Variants in PRKN observed in about 807,000 individuals in gnomAD.
PRKN encodes the protein E3 ubiquitin-protein ligase parkin.
In PRKN, 56 loss-of-function variants were observed where a neutral mutation model predicts 59.5. That is an observed-to-expected ratio of 0.94 (90% CI 0.76 to 1.18). The LOEUF is 1.18. PRKN is among the 50% of genes most tolerant of loss of function. The probability of loss-of-function intolerance (pLI) is 0.00; values close to 1 mark genes in which losing one functional copy is unlikely to be tolerated. For synonymous variants in PRKN, 250 were observed against 222.1 expected (o/e 1.13, Z -1.12); for missense variants, 657 against 596.4 (o/e 1.10, Z -1.06).
chr6:161,622,868 TAACA>T (rs943671291), intron 7 of PRKN, among the ~76,000 whole-genome samples: 1 of 152,244 alleles, frequency 6.6e-6, no homozygotes, highest in Non-Finnish European at 1.5e-5. Context: ...TTCTTGGTGC[TAACA>T]AACTGAAAAA....
intron 4 of PRKN, among the ~76,000 whole-genome samples, chr6:162,175,906 AT>A (rs1181384183): frequency 1.3e-5 from 2 of 152,216 alleles, no homozygotes; most frequent in African/African-American, 4.8e-5. Flanking sequence ...TATAAAGGCT[AT>A]TTGAGAAGCC....
At chr6:161,779,720 G>C (rs1201448602) in intron 7 of PRKN, among the ~76,000 whole-genome samples, 1 of 151,858 alleles carries the variant, frequency 6.6e-6, no homozygotes, top group Non-Finnish European at 1.5e-5. Flanking sequence ...TGGGATTACA[G>C]GCGTGAGTCA....
At chr6:161,610,837 G>A (rs1782462379) in intron 7 of PRKN, among the ~76,000 whole-genome samples, 1 of 152,130 alleles carries the variant, frequency 6.6e-6, no homozygotes, top group South Asian at 2.1e-4. Context: ...TTGGAAAGAA[G>A]GGTCGTCCAC....
intron 1 of PRKN, among the ~76,000 whole-genome samples, chr6:162,712,663 A>G (rs1303163394): frequency 6.6e-6 from 1 of 152,238 alleles, no homozygotes. Flanking sequence ...CAAAGCCCAG[A>G]TCCAACATGT....
At chr6:162,378,338 C>G (rs1786235531) in intron 2 of PRKN, among the ~76,000 whole-genome samples, 1 of 152,194 alleles carries the variant, frequency 6.6e-6, no homozygotes, top group Admixed American at 6.5e-5. Context: ...AATCGAAGAT[C>G]ATAAAGGAGA....
intron 2 of PRKN, among the ~76,000 whole-genome samples, chr6:162,378,100 T>C (rs973320445): frequency 1.3e-5 from 2 of 152,138 alleles, no homozygotes; most frequent in Non-Finnish European, 2.9e-5. Flanking sequence ...TCAAGCTAGG[T>C]TTACAAATGT....
At chr6:162,606,089 G>A (rs1216600547) in intron 1 of PRKN, among the ~76,000 whole-genome samples, 2 of 152,082 alleles carry the variant, frequency 1.3e-5, no homozygotes, top group Non-Finnish European at 2.9e-5. Flanking sequence ...TGCCTACAAT[G>A]AACAGAATGT....
At chr6:161,786,034 G>T in intron 6 of PRKN, 126 bp from the exon 7 acceptor site, 2 of 925,272 alleles carry the variant, frequency 2.2e-6, no homozygotes, top group Non-Finnish European at 3.4e-6. Flanking sequence ...GACCGGAGCT[G>T]CTAAGCATTA....
chr6:161,956,585 A>G (rs780792395), intron 6 of PRKN, among the ~76,000 whole-genome samples: 7 of 148,896 alleles, frequency 4.7e-5, no homozygotes, highest in Non-Finnish European at 7.5e-5. Flanking sequence ...ATAAAAGGAT[A>G]GTTCCATCCA....
chr6:162,602,705 C>A (rs1311122239), intron 1 of PRKN, among the ~76,000 whole-genome samples: 1 of 152,174 alleles, frequency 6.6e-6, no homozygotes, highest in Non-Finnish European at 1.5e-5. Context: ...CTTTACCTGT[C>A]TTCTACAACA....
intron 3 of PRKN, among the ~76,000 whole-genome samples, chr6:162,255,350 C>T (rs989135806): frequency 6.6e-6 from 1 of 152,132 alleles, no homozygotes; most frequent in Non-Finnish European, 1.5e-5. Flanking sequence ...ATATTCCAGG[C>T]CTTTCTCTAG....
intron 2 of PRKN, among the ~76,000 whole-genome samples, chr6:162,402,783 C>T (rs1787864664): frequency 6.6e-6 from 1 of 151,834 alleles, no homozygotes; most frequent in Non-Finnish European, 1.5e-5. Flanking sequence ...CTGCCTCAGC[C>T]TCCTTAGTAG....
intron 1 of PRKN, among the ~76,000 whole-genome samples, chr6:162,582,860 C>T (rs949905428): frequency 3.9e-5 from 6 of 152,244 alleles, no homozygotes; most frequent in African/African-American, 9.6e-5. Flanking sequence ...CTTTGCTATG[C>T]TTCCTTGCTA....
chr6:161,885,302 T>A lies in PRKN; in HGVS notation c.734+88000A>T, dbSNP rs1240558585. 2.0e-5 allele frequency among the ~76,000 whole-genome samples: 3 copies of A among 152,162 alleles called. No individual in the cohort carries two copies. The East Asian group carries it at 5.8e-4, about 29-fold the overall frequency. The stretch of plus-strand genomic sequence containing the variant: ...AAGTGCTAGTTTAAACCACAGTGAC[T>A]GGCTTCTATCTGGGTTCACAGAGCA... On this transcript the variant is annotated intron_variant, in intron 6 of 11. Coordinates refer to ENST00000366898, the MANE Select transcript of PRKN (RefSeq NM_004562.3).
At chr6:162,509,710 T>G (rs146647256) in intron 1 of PRKN, among the ~76,000 whole-genome samples, 2 of 152,326 alleles carry the variant, frequency 1.3e-5, no homozygotes, top group East Asian at 3.9e-4. Flanking sequence ...AGAGCAGTAT[T>G]TTACGCAGAC....
rs972841778 is a variant in PRKN, at chr6:161,996,959, C to T, written c.619-23542G>A. Among the ~76,000 whole-genome samples the T allele has an allele frequency of 3.3e-5, 5 of 152,040 alleles. 1 individual carries two copies. The highest frequency in any genetic ancestry group is 1.9e-4 in the East Asian group (1 of 5,180). On this transcript the variant is annotated intron_variant, in intron 5 of 11. Coordinates refer to ENST00000366898, the MANE Select transcript of PRKN (RefSeq NM_004562.3). Reference sequence around the variant, plus strand: ...CCCCTTGACATTGGACTCATATCAGCGGGTAGCTAGCTCACAACTGAAATG... The same window carrying T: ...CCCCTTGACATTGGACTCATATCAGTGGGTAGCTAGCTCACAACTGAAATG...
intron 6 of PRKN, among the ~76,000 whole-genome samples, chr6:161,786,535 C>A (rs914456541): frequency 6.6e-6 from 1 of 151,832 alleles, no homozygotes; most frequent in African/African-American, 2.4e-5. Flanking sequence ...AGTGAAATAA[C>A]AGATTTTCAA....
chr6:162,114,205 T>G (rs141994157), intron 4 of PRKN, among the ~76,000 whole-genome samples: 2,611 of 152,254 alleles, frequency 0.017, 58 homozygotes, highest in African/African-American at 0.056. Flanking sequence ...CGGGCTCTTT[T>G]TTGGTTCCAT....
Position 162,683,003 on chromosome 6 carries a change from CAGT to C in PRKN, c.7+44656_7+44658del, listed in dbSNP as rs2128233244. On this transcript the variant is annotated intron_variant, in intron 1 of 11. Coordinates refer to ENST00000366898, the MANE Select transcript of PRKN (RefSeq NM_004562.3). Reference sequence around the variant, plus strand: ...TATTCAGTATCACTAAAAATTCAAACAGTAGTTTTATTGGAGCAACGACATTAC... The same window carrying C: ...TATTCAGTATCACTAAAAATTCAAACAGTTTTATTGGAGCAACGACATTAC... 2.6e-5 allele frequency among the ~76,000 whole-genome samples: 4 copies of C among 152,168 alleles called. No homozygotes were observed. In the East Asian group the frequency reaches 7.7e-4, roughly 29 times the overall value.
Sources: gnomAD v4.1 joint callset for allele counts (sites outside exome capture counted in the v4.1 genomes callset) on GRCh38, gnomAD v4.1.1 for gene constraint, MANE v1.5 for transcripts, NCBI Gene and HGNC (gene_info 2026-07-23, HGNC 2026-07-21) for gene names.